Variants in ROBO3 observed in about 807,000 individuals in gnomAD.
ROBO3 encodes roundabout guidance receptor 3, also known as roundabout homolog 3.
Under a neutral mutation model 160.5 loss-of-function variants are expected in ROBO3, and 97 were observed. The ratio of observed to expected loss-of-function variants is 0.60; its 90% CI spans 0.51 to 0.72. ROBO3 has a LOEUF of 0.72. Ranked by LOEUF, ROBO3 falls within the 30% of genes least tolerant of loss-of-function variation. ROBO3 has a pLI of 0.00. For synonymous variants in ROBO3, 780 were observed against 746.2 expected (o/e 1.05, Z -0.74); for missense variants, 1,858 against 1,846.5 (o/e 1.01, Z -0.11).
chr11:124,873,492 C>A lies in ROBO3; in HGVS notation c.1618+101C>A. On this transcript the variant is annotated intron_variant, in intron 10 of 27. Coordinates refer to ENST00000397801, the MANE Select transcript of ROBO3 (RefSeq NM_022370.4). The surrounding 1 kb of genome is among the most constrained non-coding windows in gnomAD (Gnocchi z 4.5). ...TCAAACTCCGGGATTAACTTTATGT[C>A]ACAAATGCCATGGTTACGGTGGTGA... 1 of 1,148,872 alleles carries A rather than the reference C, an allele frequency of 8.7e-7. No homozygotes were observed. The highest frequency in any genetic ancestry group is 1.3e-6 in the Non-Finnish European group (1 of 785,170). 71.2% of individuals were successfully genotyped at this position (1,148,872 alleles called of 1,614,324 possible).
In ROBO3 at chr11:124,876,469, C is replaced by G; in HGVS notation, c.2779+9C>G. 1 of 1,382,016 alleles carries G rather than the reference C, an allele frequency of 7.2e-7. No homozygotes were observed. The highest frequency in any genetic ancestry group is 9.3e-7 in the Non-Finnish European group (1 of 1,072,338). 85.6% of individuals were successfully genotyped at this position (1,382,016 alleles called of 1,614,324 possible). On this transcript the variant is annotated intron_variant, in intron 17 of 27. Transcript: ENST00000397801. This position sits in a 1 kb window ranked among gnomAD's most constrained non-coding sequence, Gnocchi z 5.3. ...GCTCAGCCACTACACGGGTGAGCTC[C>G]CGGCCTCGGAGCGGACGGATCCGGG... is the stretch of plus-strand genomic sequence containing the variant.
chr11:124,866,907 A>G (rs1004398344), intron 1 of ROBO3, among the ~76,000 whole-genome samples: 4 of 152,172 alleles, frequency 2.6e-5, no homozygotes, highest in Non-Finnish European at 4.4e-5. Flanking sequence ...CAGGAGGTTA[A>G]GCACAGATCC....
At chr11:124,870,871 G>C in intron 6 of ROBO3, 143 bp downstream of exon 6, 2 of 1,517,048 alleles carry the variant, frequency 1.3e-6, no homozygotes, top group Non-Finnish European at 1.8e-6. Context: ...GGGAGGAGGA[G>C]AACACTAAAC....
rs2135324982 is a variant in ROBO3, at chr11:124,869,178, C to A, written c.487+50C>A. 6.7e-7 allele frequency: 1 copy of A among 1,481,858 alleles called. No homozygotes were observed. The highest frequency in any genetic ancestry group is 9.0e-7 in the Non-Finnish European group (1 of 1,105,322). The allele number at this position is 1,481,858 out of a possible 1,614,324, so 91.8% of individuals were successfully genotyped here. A position where few individuals can be genotyped will look rare whatever the true frequency, so the allele number is the denominator to read the frequency against. On this transcript the variant is annotated intron_variant, in intron 2 of 27. Coordinates refer to ENST00000397801, the MANE Select transcript of ROBO3 (RefSeq NM_022370.4). This position sits in a 1 kb window ranked among gnomAD's most constrained non-coding sequence, Gnocchi z 4.2. ...GGTTGCTTCCAGAGCCTGGGGTAGG[C>A]GGGAGGGCACTGGGCAATCAGACCC...
chr11:124,867,870 G>A (rs1035725374), intron 1 of ROBO3, among the ~76,000 whole-genome samples: 2 of 152,138 alleles, frequency 1.3e-5, no homozygotes, highest in African/African-American at 4.8e-5. Context: ...GGCTGCAGTG[G>A]CACCTACTGG....
In ROBO3 at chr11:124,873,986, TC is replaced by T. The variant is rs1327917823; in HGVS notation, c.1785-83del. 1 of 1,588,636 alleles carries T rather than the reference TC, an allele frequency of 6.3e-7. No individual in the cohort carries two copies. Among genetic ancestry groups the T allele is most frequent in the Non-Finnish European group, 8.6e-7 (1 of 1,161,080 alleles). ...CTCTTGCAAGGGGAAGACATAATGG[TC>T]GTTCATAGAGAGTGGATGAGATGGA... On this transcript the variant is annotated intron_variant, in intron 11 of 27. Transcript: ENST00000397801. The surrounding 1 kb of genome is among the most constrained non-coding windows in gnomAD (Gnocchi z 4.5).
In ROBO3 at chr11:124,870,035, C is replaced by T. The variant is rs121918277; in HGVS notation, c.733C>T (p.Arg245Trp). The T allele has an allele frequency of 2.4e-5, 38 of 1,613,822 alleles. No individual in the cohort carries two copies. The highest frequency in any genetic ancestry group is 2.6e-5 in the Non-Finnish European group (31 of 1,179,896). The change falls in exon 4 of 28, where the codon CGG becomes TGG. Residue 245 changes from arginine (R) to tryptophan (W), a missense_variant. Coordinates refer to ENST00000397801, the MANE Select transcript of ROBO3 (RefSeq NM_022370.4). ...VCVASNMAGE[R>W]ESAAAEVMVL... ...CGTAGCCTCCAACATGGCGGGAGAACGGGAGAGTGCGGCAGCTGAAGTCAT... is the reference window on the plus strand; with the variant it reads ...CGTAGCCTCCAACATGGCGGGAGAATGGGAGAGTGCGGCAGCTGAAGTCAT...
intron 1 of ROBO3, among the ~76,000 whole-genome samples, chr11:124,868,267 T>G (rs1001085886): frequency 2.9e-4 from 44 of 152,212 alleles, no homozygotes; most frequent in African/African-American, 1.0e-3. Flanking sequence ...GGCCCGGCCC[T>G]GTCACTCCCG....
rs1216680382 is a variant in ROBO3, at chr11:124,871,054, A to T, written c.1074A>T (p.Ala358=). 2 of 1,610,296 alleles carry T rather than the reference A, an allele frequency of 1.2e-6. No individual in the cohort carries two copies. The highest frequency in any genetic ancestry group is 2.2e-5 in the South Asian group (2 of 90,996). The stretch of plus-strand genomic sequence containing the variant: ...TGACCCAGCCCCAGGACCAGATGGC[A>T]GCTCCTGGAGAGAGCGTGGCTTTCC... The part of the protein sequence containing the change: ...QLVTQPQDQM[A]APGESVAFQC... The change falls in exon 7 of 28, where the codon GCA becomes GCT. Residue 358 remains alanine (A), a synonymous_variant. Coordinates refer to ENST00000397801, the MANE Select transcript of ROBO3 (RefSeq NM_022370.4).
rs117715073 is a variant in ROBO3 at position 124,872,056 on chromosome 11, A to T, written c.1159-325A>T. Among the ~76,000 whole-genome samples the T allele has an allele frequency of 1.3e-5, 2 of 152,240 alleles. No individual in the cohort carries two copies. The highest frequency in any genetic ancestry group is 4.8e-5 in the African/African-American group (2 of 41,462). ...CCACAACGTGTTAGAAGACTTTCAT[A>T]TGATTACTTCATGTGATCTTTATAA... On this transcript the variant is annotated intron_variant, in intron 7 of 27. Transcript: ENST00000397801. The surrounding 1 kb of genome is among the most constrained non-coding windows in gnomAD (Gnocchi z 4.3).
At position 124,874,782 on chromosome 11, in the gene ROBO3, C is replaced by A. The variant is rs1398639754; in HGVS notation, c.1952-6C>A. ...GCCTCTGCTGAATGGGTTCCTTGGT[C>A]AACAGATAGCAGCCCCTCTAGGCCA... is the stretch of plus-strand genomic sequence containing the variant. On this transcript the variant is annotated splice_polypyrimidine_tract_variant and splice_region_variant and intron_variant, in intron 12 of 27. Transcript: ENST00000397801. The A allele has an allele frequency of 6.2e-7, 1 of 1,604,878 alleles. No individual in the cohort carries two copies. The highest frequency in any genetic ancestry group is 1.3e-5 in the African/African-American group (1 of 74,952).
chr11:124,876,533 G>C lies in ROBO3; in HGVS notation c.2779+73G>C. ...GCCCATGGGGAGGGGCAGGGGCTTA[G>C]CCGCTGGCGAGTGAGGACCGGGTCG... is the stretch of plus-strand genomic sequence containing the variant. On this transcript the variant is annotated intron_variant, in intron 17 of 27. Coordinates refer to ENST00000397801, the MANE Select transcript of ROBO3 (RefSeq NM_022370.4). This position sits in a 1 kb window ranked among gnomAD's most constrained non-coding sequence, Gnocchi z 5.3. 4.0e-6 allele frequency: 5 copies of C among 1,264,092 alleles called. No homozygotes were observed. Among genetic ancestry groups the C allele is most frequent in the Non-Finnish European group, 5.1e-6 (5 of 982,954 alleles). The allele number at this position is 1,264,092 out of a possible 1,614,324, so 78.3% of individuals were successfully genotyped here. A position where few individuals can be genotyped will look rare whatever the true frequency, so the allele number is the denominator to read the frequency against.
intron 6 of ROBO3, 121 bp downstream of exon 6, chr11:124,870,849 T>C (rs1946271770): frequency 6.6e-7 from 1 of 1,525,936 alleles, no homozygotes; most frequent in Non-Finnish European, 8.9e-7. Flanking sequence ...ACCTGAGACT[T>C]CTGCAAGGAG....
chr11:124,873,397 T>A lies in ROBO3; in HGVS notation c.1618+6T>A. ...CGGCTGGCTTAAGATGCGGGGTGAG[T>A]TTTTTCTTTCTTCCCTTATTTTGAT... On this transcript the variant is annotated splice_donor_region_variant and intron_variant, in intron 10 of 27. Transcript: ENST00000397801. The surrounding 1 kb of genome is among the most constrained non-coding windows in gnomAD (Gnocchi z 4.5). The A allele has an allele frequency of 6.2e-7, 1 of 1,607,004 alleles. No homozygotes were observed.
chr11:124,875,805 A>T, intron 15 of ROBO3, 120 bp downstream of exon 15: 1 of 1,440,136 alleles, frequency 6.9e-7, no homozygotes, highest in Non-Finnish European at 9.6e-7. Context: ...GTTGGGGATG[A>T]GTTTAGGGGA....
At position 124,880,437 on chromosome 11, in the gene ROBO3, C is replaced by T. The variant is rs781490065; in HGVS notation, c.3978C>T (p.Tyr1326=). 3.7e-6 allele frequency: 6 copies of T among 1,613,138 alleles called. No individual in the cohort carries two copies. The highest frequency in any genetic ancestry group is 5.1e-6 in the Non-Finnish European group (6 of 1,179,632). Residue 1326 remains tyrosine (Y), a synonymous_variant, in exon 27 of 28, where the codon TAC becomes TAT. Coordinates refer to ENST00000397801, the MANE Select transcript of ROBO3 (RefSeq NM_022370.4). ...LHPDEEAWLP[Y]SRPSFLSRGQ... is the part of the protein sequence containing the mutation. ...CTGCAGAAGAGGCCTGGCTCCCATA[C>T]AGCAGACCAAGCTTCCTGTCCCGGG...
In ROBO3 at chr11:124,878,475, G is replaced by A; in HGVS notation, c.3320+39G>A. On this transcript the variant is annotated intron_variant, in intron 22 of 27. Coordinates refer to ENST00000397801, the MANE Select transcript of ROBO3 (RefSeq NM_022370.4). This position sits in a 1 kb window ranked among gnomAD's most constrained non-coding sequence, Gnocchi z 4.3. ...CTGCTTCCAGGCCCACACACCTGCG[G>A]CCAGACCATGGGCTGCTGGGGAGGA... The A allele has an allele frequency of 1.9e-6, 3 of 1,607,578 alleles. No individual in the cohort carries two copies. The highest frequency in any genetic ancestry group is 2.6e-6 in the Non-Finnish European group (3 of 1,176,016).
At chr11:124,870,770 GA>G in intron 6 of ROBO3, 42 bp downstream of exon 6, 1 of 1,599,322 alleles carries the variant, frequency 6.3e-7, no homozygotes, top group Non-Finnish European at 8.5e-7. Flanking sequence ...GGAATGGTAG[GA>G]GGGGAGAAGG....
chr11:124,875,550 C>T lies in ROBO3; in HGVS notation c.2300-14C>T. On this transcript the variant is annotated splice_polypyrimidine_tract_variant and intron_variant, in intron 14 of 27. Transcript: ENST00000397801. ...CTATTTGTGTCCTTCTCACCATGCT[C>T]CACCCTGGCCCAGCCCCCAGTGGCC... 3 of 1,610,716 alleles carry T rather than the reference C, an allele frequency of 1.9e-6. No homozygotes were observed. The highest frequency in any genetic ancestry group is 1.3e-5 in the African/African-American group (1 of 74,814).
Sources: allele counts gnomAD v4.1 joint callset (sites outside exome capture counted in the v4.1 genomes callset), GRCh38; gene constraint gnomAD v4.1.1; non-coding constraint Gnocchi (gnomAD v3.1); transcripts MANE v1.5; gene names NCBI Gene and HGNC (gene_info 2026-07-23, HGNC 2026-07-21).